KCND2: variants seen among roughly 807,000 people sequenced by gnomAD.
The protein encoded by KCND2 is A-type voltage-gated potassium channel KCND2.
KCND2 carries 16 observed loss-of-function variants against 54.4 expected under a neutral mutation model. The ratio of observed to expected loss-of-function variants is 0.29; its 90% CI spans 0.20 to 0.45. The LOEUF (loss-of-function observed/expected upper bound fraction) is 0.45, where lower values mean the gene tolerates loss of function less well. Among genes scored for constraint, KCND2 ranks in the 20% least tolerant of loss-of-function variants. KCND2 has a pLI of 1.00. For synonymous variants in KCND2, 317 were observed against 310.7 expected (o/e 1.02, Z -0.21); for missense variants, 486 against 824.2 (o/e 0.59, Z 5.02).
intron 1 of KCND2, among the ~76,000 whole-genome samples, chr7:120,573,620 A>C (rs988167470): frequency 6.6e-6 from 1 of 152,238 alleles, no homozygotes; most frequent in African/African-American, 2.4e-5. Flanking sequence ...TTTGGGAAAT[A>C]GATCTTCAGT....
At chr7:120,429,554 G>A (rs1225397591) in intron 1 of KCND2, among the ~76,000 whole-genome samples, 1 of 152,018 alleles carries the variant, frequency 6.6e-6, no homozygotes, top group African/African-American at 2.4e-5. Context: ...AGAGGAAGAA[G>A]AAGAACACCT....
intron 1 of KCND2, among the ~76,000 whole-genome samples, chr7:120,590,727 C>T (rs1792660120): frequency 6.6e-6 from 1 of 152,084 alleles, no homozygotes; most frequent in South Asian, 2.1e-4. Context: ...TCAATTCAGG[C>T]CCTCAGAAAA....
chr7:120,425,105 A>G (rs1801685803), intron 1 of KCND2, among the ~76,000 whole-genome samples: 1 of 152,180 alleles, frequency 6.6e-6, no homozygotes, highest in Non-Finnish European at 1.5e-5. Flanking sequence ...TTTGTATTGC[A>G]TATTTTTATA....
intron 1 of KCND2, among the ~76,000 whole-genome samples, chr7:120,712,098 A>G (rs1036581476): frequency 2.0e-5 from 3 of 150,598 alleles, no homozygotes; most frequent in South Asian, 2.1e-4. Context: ...CCTTCTGTCA[A>G]TATGAACCAC....
At chr7:120,588,560 G>T (rs1792630134) in intron 1 of KCND2, among the ~76,000 whole-genome samples, 1 of 152,062 alleles carries the variant, frequency 6.6e-6, no homozygotes, top group South Asian at 2.1e-4. Flanking sequence ...GATAAGCAGA[G>T]CACTATTCAC....
At chr7:120,677,403 C>A (rs1443130252) in intron 1 of KCND2, among the ~76,000 whole-genome samples, 5 of 151,882 alleles carry the variant, frequency 3.3e-5, no homozygotes, top group African/African-American at 1.2e-4. Context: ...GATGAACAGA[C>A]CATTTGTGAG....
intron 1 of KCND2, among the ~76,000 whole-genome samples, chr7:120,404,942 A>G (rs897115306): frequency 2.0e-5 from 3 of 152,180 alleles, no homozygotes; most frequent in Non-Finnish European, 4.4e-5. Context: ...ATTACCATAC[A>G]CAAGTAGATT....
intron 1 of KCND2, among the ~76,000 whole-genome samples, chr7:120,620,898 T>C (rs1793089221): frequency 6.6e-6 from 1 of 152,028 alleles, no homozygotes; most frequent in African/African-American, 2.4e-5. Flanking sequence ...AAAATATAAT[T>C]TAAAGGCATA....
chr7:120,574,229 A>G (rs937787069), intron 1 of KCND2, among the ~76,000 whole-genome samples: 4 of 152,222 alleles, frequency 2.6e-5, no homozygotes, highest in Non-Finnish European at 5.9e-5. Flanking sequence ...ACAGTTGTTT[A>G]TAATCCAGTT....
chr7:120,511,242 C>T (rs146783130), intron 1 of KCND2, among the ~76,000 whole-genome samples: 2,421 of 152,088 alleles, frequency 0.016, 34 homozygotes, highest in Middle Eastern at 0.041. Flanking sequence ...GAGATCTTCC[C>T]AAATCTTCCC....
At chr7:120,550,685 C>G (rs999455571) in intron 1 of KCND2, among the ~76,000 whole-genome samples, 1 of 152,132 alleles carries the variant, frequency 6.6e-6, no homozygotes, top group Non-Finnish European at 1.5e-5. Context: ...GGAGTCATTT[C>G]AGGATAAAAC....
intron 1 of KCND2, among the ~76,000 whole-genome samples, chr7:120,534,901 G>T (rs1050668975): frequency 6.6e-6 from 1 of 152,242 alleles, no homozygotes; most frequent in South Asian, 2.1e-4. Context: ...TTGACATTTT[G>T]TAAGTAATAT....
intron 2 of KCND2, among the ~76,000 whole-genome samples, chr7:120,740,337 T>TA (rs1554393589): frequency 6.6e-6 from 1 of 152,080 alleles, no homozygotes; most frequent in Non-Finnish European, 1.5e-5. Flanking sequence ...TAGATAATTT[T>TA]AAAATTTTTA....
At chr7:120,547,118 T>C (rs541067715) in intron 1 of KCND2, among the ~76,000 whole-genome samples, 2 of 152,114 alleles carry the variant, frequency 1.3e-5, no homozygotes, top group South Asian at 4.1e-4. Context: ...AAAATATATG[T>C]AGAATTATAA....
At chr7:120,306,967 C>G (rs1799657530) in intron 1 of KCND2, among the ~76,000 whole-genome samples, 1 of 152,018 alleles carries the variant, frequency 6.6e-6, no homozygotes, top group Non-Finnish European at 1.5e-5. Context: ...GGAAATTAAA[C>G]TGCATTTTAA....
intron 1 of KCND2, among the ~76,000 whole-genome samples, chr7:120,495,130 T>A (rs1420303905): frequency 2.0e-5 from 3 of 152,186 alleles, no homozygotes; most frequent in Non-Finnish European, 4.4e-5. Context: ...AAGGTTTTTT[T>A]AATATTTTTT....
At chr7:120,362,129 A>G (rs1365544609) in intron 1 of KCND2, among the ~76,000 whole-genome samples, 5 of 152,110 alleles carry the variant, frequency 3.3e-5, no homozygotes, top group African/African-American at 1.2e-4. Context: ...TCCATATGAA[A>G]TTACAGCTAA....
intron 1 of KCND2, among the ~76,000 whole-genome samples, chr7:120,425,691 A>C (rs1311548257): frequency 1.3e-5 from 2 of 152,192 alleles, no homozygotes; most frequent in Non-Finnish European, 2.9e-5. Context: ...TGCTACGAAG[A>C]CCTGTTCTCT....
chr7:120,385,938 C>T (rs1165568343), intron 1 of KCND2, among the ~76,000 whole-genome samples: 1 of 152,098 alleles, frequency 6.6e-6, no homozygotes, highest in Non-Finnish European at 1.5e-5. Context: ...GCAGTGATCA[C>T]CTGATGATAC....
Sources: allele counts gnomAD v4.1 joint callset (sites outside exome capture counted in the v4.1 genomes callset), GRCh38; gene constraint gnomAD v4.1.1; transcripts MANE v1.5; gene names NCBI Gene and HGNC (gene_info 2026-07-23, HGNC 2026-07-21).